Variants in ITSN1 observed in about 807,000 individuals in gnomAD.
The protein encoded by ITSN1 is intersectin 1, also known as intersectin-1.
ITSN1 carries 58 observed loss-of-function variants against 239.8 expected under a neutral mutation model. The ratio of observed to expected loss-of-function variants is 0.24; its 90% CI spans 0.20 to 0.30. ITSN1 has a LOEUF of 0.30. Ranked by LOEUF, ITSN1 falls within the 10% of genes least tolerant of loss-of-function variation. The probability of loss-of-function intolerance (pLI) is 1.00; values close to 1 mark genes in which losing one functional copy is unlikely to be tolerated. For missense variants in ITSN1, 1,558 were observed against 2,103.3 expected (o/e 0.74, Z 5.07); for synonymous variants, 780 against 770.8 (o/e 1.01, Z -0.20).
intron 14 of ITSN1, among the ~76,000 whole-genome samples, chr21:33,778,459 G>A (rs2069825572): frequency 6.6e-6 from 1 of 151,288 alleles, no homozygotes; most frequent in Non-Finnish European, 1.5e-5. Context: ...CAGATATAGG[G>A]CTATTCTGAT....
chr21:33,777,452 A>C (rs149788278), intron 14 of ITSN1, among the ~76,000 whole-genome samples: 185 of 152,302 alleles, frequency 1.2e-3, no homozygotes, highest in African/African-American at 4.2e-3. Flanking sequence ...TTCCATGTAC[A>C]TTTTAGAATC....
At chr21:33,737,973 A>G (rs917613621) in intron 5 of ITSN1, among the ~76,000 whole-genome samples, 2 of 152,164 alleles carry the variant, frequency 1.3e-5, no homozygotes, top group Non-Finnish European at 2.9e-5. Context: ...GCTTGCGCTC[A>G]GGAGTTTGAG....
intron 1 of ITSN1, among the ~76,000 whole-genome samples, chr21:33,668,537 C>T (rs925100146): frequency 2.6e-5 from 4 of 152,198 alleles, no homozygotes; most frequent in Non-Finnish European, 1.5e-5. Context: ...TTTCTAGGGT[C>T]CACGACCTTT....
intron 9 of ITSN1, among the ~76,000 whole-genome samples, chr21:33,763,383 A>G (rs1372915034): frequency 2.1e-4 from 32 of 152,142 alleles, no homozygotes; most frequent in Admixed American, 2.0e-3. Context: ...GATCTAGAGC[A>G]AAGTTTCCCA....
chr21:33,888,005 G>C (rs1194487877), intron 39 of ITSN1, 147 bp from the exon 40 acceptor site: 1 of 726,978 alleles, frequency 1.4e-6, no homozygotes, highest in African/African-American at 1.8e-5. Context: ...TGGGGAGCGA[G>C]TTGGAAATCC....
chr21:33,720,481 G>C (rs2065416630), intron 2 of ITSN1, among the ~76,000 whole-genome samples: 1 of 152,148 alleles, frequency 6.6e-6, no homozygotes, highest in African/African-American at 2.4e-5. Flanking sequence ...TGGACATCTA[G>C]TCAGCCTAAG....
chr21:33,857,116 G>C (rs552455862), intron 30 of ITSN1, among the ~76,000 whole-genome samples: 5 of 152,184 alleles, frequency 3.3e-5, no homozygotes, highest in Admixed American at 6.5e-5. Flanking sequence ...AGCAGTTGAT[G>C]GATGGAGTCA....
At chr21:33,738,953 C>T (rs2066675926) in intron 5 of ITSN1, among the ~76,000 whole-genome samples, 1 of 152,162 alleles carries the variant, frequency 6.6e-6, no homozygotes, top group African/African-American at 2.4e-5. Context: ...TACCACCACA[C>T]TGAAGTAATT....
intron 2 of ITSN1, among the ~76,000 whole-genome samples, chr21:33,719,937 A>G (rs1439523993): frequency 8.5e-5 from 13 of 152,228 alleles, no homozygotes; most frequent in Non-Finnish European, 1.0e-4. Flanking sequence ...ATATTAACGG[A>G]TTACTCTTGG....
intron 1 of ITSN1, among the ~76,000 whole-genome samples, chr21:33,660,033 G>A (rs1290707369): frequency 1.3e-5 from 2 of 152,032 alleles, no homozygotes; most frequent in Non-Finnish European, 2.9e-5. Context: ...TGCTGAAGTC[G>A]GTGGCTTGAT....
chr21:33,885,440 C>T lies in ITSN1; in HGVS notation c.4761C>T (p.Val1587=), dbSNP rs1222209345. ...EKKKREKAYL[V]RSQRATGIGR... ...TTTGTGTTTTTCCTGCCGTCATAGTCCGTTCCCAAAGGGCAACAGGCATTG... is the reference window on the plus strand; with the variant it reads ...TTTGTGTTTTTCCTGCCGTCATAGTTCGTTCCCAAAGGGCAACAGGCATTG... Residue 1587 remains valine, a splice_region_variant and synonymous_variant, in exon 38 of 40, where the codon GTC becomes GTT. Transcript: ENST00000381318. The T allele has an allele frequency of 6.2e-7, 1 of 1,613,978 alleles. No homozygotes were observed. Among genetic ancestry groups the T allele is most frequent in the Admixed American group, 1.7e-5 (1 of 60,022 alleles).
chr21:33,688,749 G>A (rs371659598), intron 1 of ITSN1, among the ~76,000 whole-genome samples: 55 of 152,166 alleles, frequency 3.6e-4, no homozygotes, highest in African/African-American at 1.3e-3. Context: ...AGGGAGCTTG[G>A]GCAGTGTTCT....
At chr21:33,721,337 A>G (rs2065468593) in intron 3 of ITSN1, 67 bp downstream of exon 3, 1 of 1,034,440 alleles carries the variant, frequency 9.7e-7, no homozygotes, top group Non-Finnish European at 1.5e-6. Context: ...AAACTCTATC[A>G]TGCAAAGACG....
At chr21:33,837,203 G>A in intron 29 of ITSN1, 1 of 1,276,280 alleles carries the variant, frequency 7.8e-7, no homozygotes, top group Non-Finnish European at 9.9e-7. Context: ...GTTATTACTT[G>A]CAGAGATAGG....
At chr21:33,818,556 C>A (rs967418569) in intron 23 of ITSN1, 84 bp downstream of exon 23, 46 of 1,215,512 alleles carry the variant, frequency 3.8e-5, no homozygotes, top group Non-Finnish European at 5.4e-5. Context: ...GATTCACAGA[C>A]AGGAGTTGCG....
rs745906380 is a variant in ITSN1 at position 33,722,681 on chromosome 21, A to G, written c.185+30A>G. ...GTTGGAATTTTACATGAAATTTTAC[A>G]TAAGCATAAGGCAAAATAAAATATC... On this transcript the variant is annotated intron_variant, in intron 4 of 39. Transcript: ENST00000381318. 11 of 1,547,064 alleles carry G rather than the reference A, an allele frequency of 7.1e-6. No homozygotes were observed. In the Admixed American group the frequency reaches 1.8e-4, roughly 25 times the overall value.
At chr21:33,646,727 A>G (rs1408682061) in intron 1 of ITSN1, among the ~76,000 whole-genome samples, 2 of 152,238 alleles carry the variant, frequency 1.3e-5, no homozygotes, top group African/African-American at 2.4e-5. Flanking sequence ...AGTTACAGTG[A>G]TGATAAAGAA....
chr21:33,782,974 A>G (rs1293149710), intron 16 of ITSN1, among the ~76,000 whole-genome samples: 3 of 152,126 alleles, frequency 2.0e-5, no homozygotes, highest in African/African-American at 4.8e-5. Context: ...GCAGTAAGCC[A>G]AGATCACGCC....
intron 5 of ITSN1, 67 bp downstream of exon 5, chr21:33,735,271 T>C: frequency 1.3e-6 from 2 of 1,498,544 alleles, no homozygotes; most frequent in Non-Finnish European, 1.8e-6. Flanking sequence ...TTTTCCTTTT[T>C]TTCCCTCTCG....
Sources: gnomAD v4.1 joint callset for allele counts (sites outside exome capture counted in the v4.1 genomes callset) on GRCh38, gnomAD v4.1.1 for gene constraint, MANE v1.5 for transcripts, NCBI Gene and HGNC (gene_info 2026-07-23, HGNC 2026-07-21) for gene names.